The following TNS1 variants were observed in gnomAD, a reference collection of about 807,000 sequenced individuals.
The protein encoded by TNS1 is tensin-1.
TNS1 carries 62 observed loss-of-function variants against 168.6 expected under a neutral mutation model. The ratio of observed to expected loss-of-function variants is 0.37; its 90% CI spans 0.30 to 0.45. The LOEUF is 0.45. Ranked by LOEUF, TNS1 falls within the 20% of genes least tolerant of loss-of-function variation. The probability of loss-of-function intolerance (pLI) is 1.00; values close to 1 mark genes in which losing one functional copy is unlikely to be tolerated. For synonymous variants in TNS1, 934 were observed against 933.2 expected (o/e 1.00, Z -0.02); for missense variants, 2,240 against 2,339.4 (o/e 0.96, Z 0.88).
upstream of TNS1, among the ~76,000 whole-genome samples, chr2:218,007,371 AC>A (rs1279627060): frequency 5.3e-5 from 8 of 152,188 alleles, no homozygotes; most frequent in Admixed American, 5.2e-4. Context: ...AGGTTCAGCA[AC>A]CAGCTCAGGG....
chr2:217,893,040 T>C, intron 10 of TNS1, 28 bp from the exon 11 acceptor site: 1 of 1,613,720 alleles, frequency 6.2e-7, no homozygotes, highest in Non-Finnish European at 8.5e-7. Context: ...ACAAAATCAT[T>C]TATTTCTAAG....
At position 218,000,274 on chromosome 2, in the gene TNS1, G is replaced by A. The variant is rs540163685; in HGVS notation, c.33+2566C>T. Among the ~76,000 whole-genome samples the A allele has an allele frequency of 3.9e-5, 6 of 152,294 alleles. No homozygotes were observed. The East Asian group carries it at 1.2e-3, about 29-fold the overall frequency. On this transcript the variant is annotated intron_variant, in intron 1 of 32. Coordinates refer to ENST00000682258, the MANE Select transcript of TNS1 (RefSeq NM_001387777.1). ...CACAATTGCAGCTTTCCCCATACAG[G>A]AACATGTGAACCAATAGATGCAAGC... is the stretch of plus-strand genomic sequence containing the variant.
rs1167830853 is a variant in TNS1 at position 218,033,942 on chromosome 2, C to G, written c.34G>C (p.Glu12Gln). Among the ~76,000 whole-genome samples, 1 of 152,224 alleles carries G rather than the reference C, an allele frequency of 6.6e-6. No individual in the cohort carries two copies. Among genetic ancestry groups the G allele is most frequent in the Non-Finnish European group, 1.5e-5 (1 of 68,026 alleles). Residue 12 changes from glutamate to glutamine, a missense_variant, in exon 1 of 2, where the codon GAG becomes CAG. Coordinates refer to the TNS1 transcript ENST00000649572. This position sits in a 1 kb window ranked among gnomAD's most constrained non-coding sequence, Gnocchi z 4.3. ...CCGCAGAGTGGTCCGGGCCGCAGCT[C>G]TTCGCAGCACACCAGGCTCACAGTG...
At chr2:217,950,525 G>T (rs992095343) in intron 3 of TNS1, among the ~76,000 whole-genome samples, 1 of 151,842 alleles carries the variant, frequency 6.6e-6, no homozygotes, top group Non-Finnish European at 1.5e-5. Flanking sequence ...GCTGGGGGAG[G>T]TGAGGAGGTC....
chr2:217,835,155 G>A lies in TNS1; in HGVS notation c.3216C>T (p.His1072=). ...PGGRPKEPHL[H]SYKEAFEEME... ...TCTCCTCGAAGGCCTCCTTGTAGCT[G>A]TGCAAATGGGGCTGTGGGAGAACAC... Residue 1072 remains histidine, a synonymous_variant, in exon 21 of 33, where the codon CAC becomes CAT. Transcript: ENST00000682258. 6.3e-7 allele frequency: 1 copy of A among 1,599,968 alleles called. No homozygotes were observed. Among genetic ancestry groups the A allele is most frequent in the Non-Finnish European group, 8.5e-7 (1 of 1,174,594 alleles).
intron 20 of TNS1, 95 bp from the exon 21 acceptor site, chr2:217,835,261 A>G: frequency 8.5e-7 from 1 of 1,171,094 alleles, no homozygotes; most frequent in Non-Finnish European, 1.2e-6. Context: ...TGAGTTAACC[A>G]GCCCCCACAT....
At chr2:217,849,124 A>G (rs747166069) in intron 18 of TNS1, 37 bp from the exon 19 acceptor site, 4 of 1,581,592 alleles carry the variant, frequency 2.5e-6, no homozygotes, top group Middle Eastern at 2.3e-4. Context: ...ACAACAGACA[A>G]CAGACATTAG....
At chr2:217,932,476 C>T (rs1040392067) in intron 3 of TNS1, among the ~76,000 whole-genome samples, 8 of 152,238 alleles carry the variant, frequency 5.3e-5, no homozygotes, top group African/African-American at 1.9e-4. Flanking sequence ...ATGTTACTTC[C>T]CTCTATGTTA....
chr2:217,963,135 A>C (rs971978467), intron 3 of TNS1, among the ~76,000 whole-genome samples: 11 of 152,210 alleles, frequency 7.2e-5, no homozygotes, highest in African/African-American at 2.7e-4. Flanking sequence ...GGATAGTTCA[A>C]GAATTAAGTC....
chr2:217,975,063 T>C (rs1559395782), intron 3 of TNS1, among the ~76,000 whole-genome samples: 1 of 152,194 alleles, frequency 6.6e-6, no homozygotes, highest in Non-Finnish European at 1.5e-5. Context: ...GAATCATTCA[T>C]TCACTCTTGG....
At chr2:217,835,434 C>T (rs575230915) in intron 20 of TNS1, among the ~76,000 whole-genome samples, 1 of 152,312 alleles carries the variant, frequency 6.6e-6, no homozygotes, top group Non-Finnish European at 1.5e-5. Flanking sequence ...CCATGGACCA[C>T]CTACATCTGA....
intron 3 of TNS1, among the ~76,000 whole-genome samples, chr2:217,965,810 T>G (rs1957612378): frequency 6.6e-6 from 1 of 152,100 alleles, no homozygotes; most frequent in Non-Finnish European, 1.5e-5. Flanking sequence ...CCAGGGTGGC[T>G]GGTGTGGACC....
At chr2:217,823,938 G>C (rs1943242216) in intron 22 of TNS1, among the ~76,000 whole-genome samples, 1 of 152,172 alleles carries the variant, frequency 6.6e-6, no homozygotes, top group Admixed American at 6.5e-5. Context: ...TCATACCAAA[G>C]GCATGGATTC....
intron 3 of TNS1, among the ~76,000 whole-genome samples, chr2:217,927,322 G>A (rs1396095601): frequency 6.6e-6 from 1 of 152,218 alleles, no homozygotes; most frequent in Non-Finnish European, 1.5e-5. Context: ...GAGGAGCATT[G>A]AAGCAGGCAT....
At chr2:217,966,303 GT>G in intron 3 of TNS1, among the ~76,000 whole-genome samples, 1 of 145,808 alleles carries the variant, frequency 6.9e-6, no homozygotes. Flanking sequence ...GTGTGTGTGT[GT>G]GTGTGCGCGC....
chr2:217,989,750 C>T (rs1958304192), intron 2 of TNS1, among the ~76,000 whole-genome samples: 1 of 152,066 alleles, frequency 6.6e-6, no homozygotes. Flanking sequence ...AGGGCTGGGG[C>T]GTCCTTTCTT....
chr2:218,029,310 C>A (rs933881545), intron 1 of TNS1, among the ~76,000 whole-genome samples: 1 of 67,374 alleles, frequency 1.5e-5, no homozygotes, highest in Admixed American at 1.6e-4. Context: ...GCATCCCTCA[C>A]CCCCATCAAG....
At chr2:217,937,032 C>T in intron 3 of TNS1, 1 of 456,754 alleles carries the variant, frequency 2.2e-6, no homozygotes, top group South Asian at 1.5e-5. Context: ...AGTCTTTGCC[C>T]CTTTTCCTCC....
chr2:217,964,888 G>T (rs574185753), intron 3 of TNS1, among the ~76,000 whole-genome samples: 7 of 152,252 alleles, frequency 4.6e-5, no homozygotes, highest in Non-Finnish European at 1.5e-5. Context: ...CCTCCTAACG[G>T]CCCCCCGCTA....
Sources: gnomAD v4.1 joint callset for allele counts (sites outside exome capture counted in the v4.1 genomes callset) on GRCh38, gnomAD v4.1.1 for gene constraint, Gnocchi (gnomAD v3.1) non-coding constraint, MANE v1.5 for transcripts, NCBI Gene and HGNC (gene_info 2026-07-23, HGNC 2026-07-21) for gene names.